SH2D4B: variants seen among roughly 807,000 people sequenced by gnomAD.
SH2D4B encodes SH2 domain-containing protein 4B.
SH2D4B carries 45 observed loss-of-function variants against 61.5 expected under a neutral mutation model. That is an observed-to-expected ratio of 0.73 (90% CI 0.58 to 0.94). The LOEUF (loss-of-function observed/expected upper bound fraction) is 0.94. Among genes scored for constraint, SH2D4B ranks in the 40% least tolerant of loss-of-function variants. SH2D4B has a pLI of 0.00. For synonymous variants in SH2D4B, 224 were observed against 220.4 expected (o/e 1.02, Z -0.14); for missense variants, 572 against 574.2 (o/e 1.00, Z 0.04).
intron 6 of SH2D4B, among the ~76,000 whole-genome samples, chr10:80,624,839 G>A (rs772056132): frequency 5.9e-5 from 9 of 152,182 alleles, no homozygotes; most frequent in Non-Finnish European, 1.0e-4. Context: ...TAGCAGTAAT[G>A]TGTGAGAAGC....
chr10:80,568,944 T>C (rs1377827135), intron 1 of SH2D4B, among the ~76,000 whole-genome samples: 2 of 152,262 alleles, frequency 1.3e-5, no homozygotes, highest in African/African-American at 4.8e-5. Flanking sequence ...TTTAACTGAA[T>C]GTTTTGCTGC....
intron 6 of SH2D4B, among the ~76,000 whole-genome samples, chr10:80,618,342 A>AT (rs1432978957): frequency 6.6e-6 from 1 of 152,232 alleles, no homozygotes; most frequent in Non-Finnish European, 1.5e-5. Flanking sequence ...AGCATTGGTG[A>AT]TTAGAACCTG....
intron 1 of SH2D4B, among the ~76,000 whole-genome samples, chr10:80,544,541 G>A (rs7084416): frequency 0.17 from 25,822 of 152,208 alleles, 2,514 homozygotes; most frequent in African/African-American, 0.26. Context: ...TCCTGGGCCC[G>A]TCCAGTAGCC....
In SH2D4B at chr10:80,570,197, C is replaced by T. The variant is rs746523880; in HGVS notation, c.228C>T (p.Gly76=). The T allele has an allele frequency of 1.1e-5, 17 of 1,614,020 alleles. No individual in the cohort carries two copies. Among genetic ancestry groups the T allele is most frequent in the Non-Finnish European group, 1.4e-5 (16 of 1,180,028 alleles). Residue 76 remains glycine, a synonymous_variant, in exon 2 of 8, where the codon GGC becomes GGT. Transcript: ENST00000646907. Reference sequence around the variant, plus strand: ...TCCAATGGCTCCTAGGGGCAGATGGCGAGGTCTGGGTCTGGATCATGGGAG... The same window carrying T: ...TCCAATGGCTCCTAGGGGCAGATGGTGAGGTCTGGGTCTGGATCATGGGAG... ...KHIQWLLGAD[G]EVWVWIMGEG...
At chr10:80,641,810 A>C (rs994961111) in intron 7 of SH2D4B, among the ~76,000 whole-genome samples, 1 of 152,208 alleles carries the variant, frequency 6.6e-6, no homozygotes, top group African/African-American at 2.4e-5. Context: ...TGAGACTCAC[A>C]GTTTCATTTC....
chr10:80,602,260 A>G (rs554222739), intron 4 of SH2D4B, among the ~76,000 whole-genome samples: 1 of 152,250 alleles, frequency 6.6e-6, no homozygotes, highest in South Asian at 2.1e-4. Flanking sequence ...ACAAGAGTTC[A>G]AGACCAGGCT....
chr10:80,608,179 G>C (rs1379839298), intron 5 of SH2D4B, among the ~76,000 whole-genome samples: 2 of 152,200 alleles, frequency 1.3e-5, no homozygotes, highest in Non-Finnish European at 2.9e-5. Flanking sequence ...TCTGGAAATG[G>C]CTGAGATTTC....
intron 6 of SH2D4B, among the ~76,000 whole-genome samples, chr10:80,632,280 T>G (rs1842841602): frequency 6.6e-6 from 1 of 152,096 alleles, no homozygotes; most frequent in Non-Finnish European, 1.5e-5. Context: ...TTAAGTGTTC[T>G]TACCACAAAA....
At chr10:80,626,586 C>T (rs1214599369) in intron 6 of SH2D4B, among the ~76,000 whole-genome samples, 5 of 152,194 alleles carry the variant, frequency 3.3e-5, no homozygotes, top group African/African-American at 1.2e-4. Flanking sequence ...TTAAGCTTCT[C>T]TCATGTTAGA....
At chr10:80,557,512 T>C (rs775292028) in intron 1 of SH2D4B, among the ~76,000 whole-genome samples, 2 of 152,194 alleles carry the variant, frequency 1.3e-5, no homozygotes, top group Non-Finnish European at 2.9e-5. Context: ...GGGCAGATTT[T>C]AACATATAAA....
chr10:80,577,715 A>C (rs1842142545), intron 3 of SH2D4B, among the ~76,000 whole-genome samples: 1 of 150,604 alleles, frequency 6.6e-6, no homozygotes, highest in South Asian at 2.1e-4. Flanking sequence ...TGTGAGCCAC[A>C]GCGCCCGGCC....
intron 4 of SH2D4B, among the ~76,000 whole-genome samples, chr10:80,596,817 C>T (rs1842390026): frequency 6.6e-6 from 1 of 152,174 alleles, no homozygotes; most frequent in Non-Finnish European, 1.5e-5. Context: ...ACTCGCAGAA[C>T]GTTTCCCTGC....
chr10:80,609,586 T>G, intron 6 of SH2D4B, 35 bp downstream of exon 6: 1 of 1,613,296 alleles, frequency 6.2e-7, no homozygotes, highest in Non-Finnish European at 8.5e-7. Context: ...TGCCAGATGA[T>G]TTCCACATCT....
In SH2D4B at chr10:80,621,086, G is replaced by A. The variant is rs918449619; in HGVS notation, c.988+11535G>A. 7.9e-5 allele frequency among the ~76,000 whole-genome samples: 12 copies of A among 152,284 alleles called. No individual in the cohort carries two copies. The East Asian group carries it at 1.5e-3, about 20-fold the overall frequency. Reference sequence around the variant, plus strand: ...CTATAACTTTTCTTTTTATTCAGTTGTCAACGTTTTTAAGAGATTAATGGT... The same window carrying A: ...CTATAACTTTTCTTTTTATTCAGTTATCAACGTTTTTAAGAGATTAATGGT... On this transcript the variant is annotated intron_variant, in intron 6 of 7. Coordinates refer to ENST00000646907, the MANE Select transcript of SH2D4B (RefSeq NM_001388272.1).
chr10:80,612,249 C>T lies in SH2D4B; in HGVS notation c.988+2698C>T, dbSNP rs60479205. On this transcript the variant is annotated intron_variant, in intron 6 of 7. Coordinates refer to ENST00000646907, the MANE Select transcript of SH2D4B (RefSeq NM_001388272.1). ...AAAGTCTGGAACAGTGAGTGTGTTC[C>T]CACTTCTCTTTCAATATAGGAATTC... is the stretch of plus-strand genomic sequence containing the variant. Among the ~76,000 whole-genome samples, 1,160 of 144,152 alleles carry T rather than the reference C, an allele frequency of 8.0e-3. 12 individuals are homozygous for T. The highest frequency in any genetic ancestry group is 0.028 in the African/African-American group (1,073 of 38,292). The allele number at this position is 144,152 out of a possible 152,430, so 94.6% of individuals were successfully genotyped here.
chr10:80,604,506 G>A (rs1294469465), intron 5 of SH2D4B, among the ~76,000 whole-genome samples: 1 of 152,162 alleles, frequency 6.6e-6, no homozygotes. Flanking sequence ...CAGAGGCTGG[G>A]TGGTGAGCAC....
chr10:80,640,669 T>C (rs1359885149), intron 7 of SH2D4B, among the ~76,000 whole-genome samples: 1 of 152,204 alleles, frequency 6.6e-6, no homozygotes, highest in African/African-American at 2.4e-5. Flanking sequence ...CTACACTGTT[T>C]ATTCTAGTTA....
chr10:80,541,560 C>T lies in SH2D4B; in HGVS notation c.184+3045C>T, dbSNP rs78942729. 8.8e-3 allele frequency among the ~76,000 whole-genome samples: 1,339 copies of T among 152,290 alleles called. 16 individuals carry two copies. The highest frequency in any genetic ancestry group is 0.03 in the African/African-American group (1,262 of 41,568). On this transcript the variant is annotated intron_variant, in intron 1 of 7. Transcript: ENST00000646907. ...TGACACTGGGCCTCCTCCGGGCCAT[C>T]GTCCCCAGTGCTCTAAAGCCTTCCC...
intron 7 of SH2D4B, among the ~76,000 whole-genome samples, 155 bp downstream of exon 7, chr10:80,634,660 G>T (rs954573905): frequency 1.3e-5 from 2 of 152,142 alleles, no homozygotes; most frequent in Admixed American, 6.5e-5. Flanking sequence ...AGAGACCAGA[G>T]GTTGTCCACA....
Sources: allele counts gnomAD v4.1 joint callset (sites outside exome capture counted in the v4.1 genomes callset), GRCh38; gene constraint gnomAD v4.1.1; transcripts MANE v1.5; gene names NCBI Gene and HGNC (gene_info 2026-07-23, HGNC 2026-07-21).